Variants in XKR4 observed in about 807,000 individuals in gnomAD.
XKR4 encodes the protein XK related 4, also known as XK-related protein 4.
A neutral mutation model predicts 53.9 loss-of-function variants in XKR4; 12 were observed. The observed-to-expected ratio is 0.22, with a 90% CI of 0.14 to 0.36. XKR4 has a LOEUF of 0.36. Ranked by LOEUF, XKR4 falls within the 10% of genes least tolerant of loss-of-function variation. The probability of loss-of-function intolerance (pLI) is 1.00; values close to 1 mark genes in which losing one functional copy is unlikely to be tolerated. For synonymous variants in XKR4, 354 were observed against 362.4 expected (o/e 0.98, Z 0.26); for missense variants, 799 against 859.5 (o/e 0.93, Z 0.88).
chr8:55,277,934 T>C (rs1012538365), intron 1 of XKR4, among the ~76,000 whole-genome samples: 1 of 152,242 alleles, frequency 6.6e-6, no homozygotes, highest in African/African-American at 2.4e-5. Flanking sequence ...ATTGCTTATA[T>C]AGGTCTGAAA....
At chr8:55,368,781 T>A (rs889108434) in intron 2 of XKR4, among the ~76,000 whole-genome samples, 4 of 152,208 alleles carry the variant, frequency 2.6e-5, no homozygotes, top group Non-Finnish European at 5.9e-5. Flanking sequence ...TGCTGACAGA[T>A]TTTTACCATC....
In XKR4 at chr8:55,530,978, T is replaced by C. The variant is rs1800207914; in HGVS notation, c.*6751T>C. 1 of 152,222 alleles carries C rather than the reference T, an allele frequency of 6.6e-6. No individual in the cohort carries two copies. Among genetic ancestry groups the C allele is most frequent in the Non-Finnish European group, 1.5e-5 (1 of 68,042 alleles). 9.4% of individuals were successfully genotyped at this position (152,222 alleles called of 1,614,324 possible). On this transcript the variant is annotated 3_prime_UTR_variant, in exon 3 of 3. Transcript: ENST00000327381. ...ACTGGAATAGCTCATAGTCTGGCTA[T>C]TAGCAGCACAATCATAGTTTTCTGA...
rs116232484 is a variant in XKR4, at chr8:55,407,301, G to A, written c.1006+49424G>A. On this transcript the variant is annotated intron_variant, in intron 2 of 2. Coordinates refer to ENST00000327381, the MANE Select transcript of XKR4 (RefSeq NM_052898.2). ...GAAGAACATGTCGGGTGTGAAGCGG[G>A]GCTTTCGCACTGCTTCCCAGGAATC... is the stretch of plus-strand genomic sequence containing the variant. Among the ~76,000 whole-genome samples, 260 of 152,274 alleles carry A rather than the reference G, an allele frequency of 1.7e-3. 1 individual carries two copies. The highest frequency in any genetic ancestry group is 5.5e-3 in the African/African-American group (230 of 41,544).
chr8:55,103,832 C>A (rs1816094681), intron 1 of XKR4, among the ~76,000 whole-genome samples: 1 of 126,682 alleles, frequency 7.9e-6, no homozygotes, highest in African/African-American at 3.0e-5. Context: ...AGTAAAGATC[C>A]TAATAGGCAA....
intron 1 of XKR4, among the ~76,000 whole-genome samples, chr8:55,268,510 A>G (rs897601732): frequency 2.0e-5 from 3 of 152,202 alleles, no homozygotes; most frequent in Non-Finnish European, 4.4e-5. Context: ...ATGCCGCATT[A>G]CATAATTAGG....
chr8:55,228,842 T>TAC (rs71256522), intron 1 of XKR4, among the ~76,000 whole-genome samples: 14,159 of 149,994 alleles, frequency 0.094, 1,097 homozygotes, highest in African/African-American at 0.22. Flanking sequence ...TGTGTGTATG[T>TAC]ACACACACAC....
At chr8:55,484,452 T>G (rs781666740) in intron 2 of XKR4, among the ~76,000 whole-genome samples, 36 of 152,134 alleles carry the variant, frequency 2.4e-4, no homozygotes, top group Non-Finnish European at 4.6e-4. Flanking sequence ...TTCCACAACA[T>G]TTAAAAGAGA....
intron 2 of XKR4, among the ~76,000 whole-genome samples, chr8:55,403,952 C>A (rs555775126): frequency 6.6e-6 from 1 of 152,316 alleles, no homozygotes; most frequent in South Asian, 2.1e-4. Flanking sequence ...TCCAACCTGA[C>A]CTGAATATCG....
At chr8:55,245,481 A>G (rs1056368005) in intron 1 of XKR4, among the ~76,000 whole-genome samples, 1 of 152,304 alleles carries the variant, frequency 6.6e-6, no homozygotes, top group Admixed American at 6.5e-5. Flanking sequence ...TAAAGGGTCC[A>G]TACCTTTCCC....
chr8:55,153,237 T>C (rs1406618143), intron 1 of XKR4, among the ~76,000 whole-genome samples: 1 of 152,224 alleles, frequency 6.6e-6, no homozygotes, highest in African/African-American at 2.4e-5. Flanking sequence ...TTACAAACAA[T>C]TCTTGGTCCA....
rs1000944701 is a variant in XKR4 at position 55,527,484 on chromosome 8, A to G, written c.*3257A>G. On this transcript the variant is annotated 3_prime_UTR_variant, in exon 3 of 3. Coordinates refer to ENST00000327381, the MANE Select transcript of XKR4 (RefSeq NM_052898.2). ...AACTTGCATTTCTAAATATGAAACC[A>G]TGTTTAATGAATATATATAATGTGT... The G allele has an allele frequency of 3.9e-5, 6 of 152,208 alleles. No homozygotes were observed. The highest frequency in any genetic ancestry group is 1.4e-4 in the African/African-American group (6 of 41,448). 9.4% of individuals were successfully genotyped at this position (152,208 alleles called of 1,614,324 possible). A position where few individuals can be genotyped will look rare whatever the true frequency, so the allele number is the denominator to read the frequency against.
chr8:55,194,331 G>C (rs1817479140), intron 1 of XKR4, among the ~76,000 whole-genome samples: 1 of 152,134 alleles, frequency 6.6e-6, no homozygotes, highest in Non-Finnish European at 1.5e-5. Flanking sequence ...TCCCTCTCTG[G>C]CTGCTTCAGG....
intron 1 of XKR4, among the ~76,000 whole-genome samples, chr8:55,129,970 A>G (rs1436970442): frequency 6.6e-6 from 1 of 152,096 alleles, no homozygotes; most frequent in African/African-American, 2.4e-5. Flanking sequence ...CACTTCCATT[A>G]TCTTTGAATT....
At chr8:55,446,269 G>A (rs1805345200) in intron 2 of XKR4, among the ~76,000 whole-genome samples, 1 of 152,170 alleles carries the variant, frequency 6.6e-6, no homozygotes, top group South Asian at 2.1e-4. Flanking sequence ...GCATAACATG[G>A]GCTCAACCTC....
chr8:55,102,486 A>G lies in XKR4; in HGVS notation c.-3A>G, dbSNP rs1816058826. On this transcript the variant is annotated 5_prime_UTR_variant, in exon 1 of 3. Transcript: ENST00000327381. This position sits in a 1 kb window ranked among gnomAD's most constrained non-coding sequence, Gnocchi z 5.1. ...GAGGGCTCTCCTCCGGTGTGGAGGC[A>G]TCATGGCCGCTAAATCAGACGGGAG... is the stretch of plus-strand genomic sequence containing the variant. The G allele has an allele frequency of 6.5e-7, 1 of 1,549,266 alleles. No individual in the cohort carries two copies. Among genetic ancestry groups the G allele is most frequent in the Non-Finnish European group, 8.7e-7 (1 of 1,143,074 alleles).
chr8:55,171,743 C>T lies in XKR4; in HGVS notation c.806+68449C>T, dbSNP rs146760618. Among the ~76,000 whole-genome samples, 749 of 152,252 alleles carry T rather than the reference C, an allele frequency of 4.9e-3. 5 individuals carry two copies. The highest frequency in any genetic ancestry group is 7.7e-3 in the Non-Finnish European group (521 of 68,022). On this transcript the variant is annotated intron_variant, in intron 1 of 2. Transcript: ENST00000327381. ...CCAGGCATTGCCCTGCATTTTTCCT[C>T]CCCTTCGCCTGACAGCCTGGTCATA...
chr8:55,108,989 C>A (rs893874161), intron 1 of XKR4, among the ~76,000 whole-genome samples: 7 of 152,080 alleles, frequency 4.6e-5, no homozygotes, highest in Admixed American at 2.0e-4. Context: ...AAGAGAAGCC[C>A]GAAAACTTGA....
chr8:55,179,696 A>T (rs780448810), intron 1 of XKR4, among the ~76,000 whole-genome samples: 1 of 152,202 alleles, frequency 6.6e-6, no homozygotes, highest in Non-Finnish European at 1.5e-5. Flanking sequence ...TGTTGCCTAG[A>T]TAATAATACA....
At chr8:55,121,026 T>C (rs1816383974) in intron 1 of XKR4, among the ~76,000 whole-genome samples, 1 of 152,204 alleles carries the variant, frequency 6.6e-6, no homozygotes, top group Non-Finnish European at 1.5e-5. Context: ...GATTCCTCCA[T>C]ATCTTTTATG....
Sources: gnomAD v4.1 joint callset for allele counts (sites outside exome capture counted in the v4.1 genomes callset) on GRCh38, gnomAD v4.1.1 for gene constraint, Gnocchi (gnomAD v3.1) non-coding constraint, MANE v1.5 for transcripts, NCBI Gene and HGNC (gene_info 2026-07-23, HGNC 2026-07-21) for gene names.